Variants in CDH18 observed in about 807,000 individuals in gnomAD.
CDH18 encodes cadherin-18.
CDH18 carries 31 observed loss-of-function variants against 67.9 expected under a neutral mutation model. The observed-to-expected ratio is 0.46, with a 90% CI of 0.34 to 0.62. The LOEUF (loss-of-function observed/expected upper bound fraction) is 0.62, where lower values mean the gene tolerates loss of function less well. Ranked by LOEUF, CDH18 falls within the 20% of genes least tolerant of loss-of-function variation. CDH18 has a pLI of 0.01. For missense variants in CDH18, 890 were observed against 975.5 expected (o/e 0.91, Z 1.17); for synonymous variants, 362 against 347.2 (o/e 1.04, Z -0.48).
chr5:19,528,617 C>T lies in CDH18; in HGVS notation c.1391-7839G>A, dbSNP rs552871339. ...CTCTGAGAACAGATTTGTTGCTGTTCGGGGTTAACACCACCATTCTTGTAA... is the reference window on the plus strand; with the variant it reads ...CTCTGAGAACAGATTTGTTGCTGTTTGGGGTTAACACCACCATTCTTGTAA... On this transcript the variant is annotated intron_variant, in intron 9 of 12. Coordinates refer to ENST00000382275, the MANE Select transcript of CDH18 (RefSeq NM_004934.5). 1.9e-4 allele frequency among the ~76,000 whole-genome samples: 29 copies of T among 151,888 alleles called. No homozygotes were observed. In the South Asian group the frequency reaches 4.6e-3, roughly 24 times the overall value.
Position 19,720,734 on chromosome 5 carries a change from A to G in CDH18, c.643+613T>C, listed in dbSNP as rs1410409617. The stretch of plus-strand genomic sequence containing the variant: ...TTTGGCCAGTAAAAAATAAAAGGAG[A>G]GCAGAATTTATATTTTTTCCTGAAA... On this transcript the variant is annotated intron_variant, in intron 5 of 12. Coordinates refer to ENST00000382275, the MANE Select transcript of CDH18 (RefSeq NM_004934.5). Among the ~76,000 whole-genome samples the G allele has an allele frequency of 3.3e-5, 5 of 152,274 alleles. No homozygotes were observed. The South Asian group carries it at 6.2e-4, about 19-fold the overall frequency.
intron 2 of CDH18, among the ~76,000 whole-genome samples, chr5:19,872,335 G>A (rs1304749880): frequency 6.6e-6 from 1 of 152,122 alleles, no homozygotes; most frequent in African/African-American, 2.4e-5. Flanking sequence ...CCTGTAGCTG[G>A]TTTCTGGTCA....
In CDH18 at chr5:19,761,679, T is replaced by C. The variant is rs995325003; in HGVS notation, c.229-14443A>G. ...TGGTCATACTGCCCAAGGTAATTTA[T>C]AGATTCAATGCCATCCCCATCAAGC... On this transcript the variant is annotated intron_variant, in intron 3 of 12. Coordinates refer to ENST00000382275, the MANE Select transcript of CDH18 (RefSeq NM_004934.5). 5.9e-5 allele frequency among the ~76,000 whole-genome samples: 9 copies of C among 152,266 alleles called. No homozygotes were observed. In the South Asian group the frequency reaches 1.7e-3, roughly 28 times the overall value.
chr5:19,740,568 A>G (rs777609681), intron 4 of CDH18, among the ~76,000 whole-genome samples: 1 of 152,138 alleles, frequency 6.6e-6, no homozygotes, highest in Non-Finnish European at 1.5e-5. Flanking sequence ...AAACACCTTT[A>G]CCAGCTTTTT....
At chr5:20,012,740 C>A (rs1201639092) in intron 2 of CDH18, among the ~76,000 whole-genome samples, 1 of 151,998 alleles carries the variant, frequency 6.6e-6, no homozygotes, top group East Asian at 1.9e-4. Flanking sequence ...GGAAGGGGAT[C>A]ATGTCCTTTG....
In CDH18 at chr5:20,134,559, A is replaced by G. The variant is rs147402156; in HGVS notation, c.-518+120885T>C. On this transcript the variant is annotated intron_variant, in intron 2 of 14. Transcript: ENST00000507958. ...TTCTATTAGAGTCTGTAACACATTA[A>G]GACCAGAGTCTCCACCTGGTCCCTT... Among the ~76,000 whole-genome samples the G allele has an allele frequency of 4.2e-3, 647 of 152,272 alleles. 3 individuals are homozygous for G. Among genetic ancestry groups the G allele is most frequent in the African/African-American group, 0.015 (623 of 41,570 alleles).
At chr5:20,073,561 G>A (rs538981434) in intron 2 of CDH18, among the ~76,000 whole-genome samples, 90 of 152,066 alleles carry the variant, frequency 5.9e-4, no homozygotes, top group African/African-American at 2.0e-3. Context: ...ATAAGATTGC[G>A]ATATGTTTCA....
At position 19,499,915 on chromosome 5, in the gene CDH18, C is replaced by G. The variant is rs1049288202; in HGVS notation, c.1630+3077G>C. 3.9e-5 allele frequency among the ~76,000 whole-genome samples: 6 copies of G among 152,208 alleles called. No individual in the cohort carries two copies. The South Asian group carries it at 1.2e-3, about 32-fold the overall frequency. On this transcript the variant is annotated intron_variant, in intron 11 of 12. Transcript: ENST00000382275. ...CTGATCACTCATCCTGGTTTCGGGG[C>G]TATGTCTGATTTCTGTTGTTTCTCT...
intron 8 of CDH18, among the ~76,000 whole-genome samples, chr5:19,549,042 T>G (rs929640215): frequency 6.6e-6 from 1 of 152,144 alleles, no homozygotes; most frequent in Non-Finnish European, 1.5e-5. Context: ...CTACTGTGCC[T>G]GGCCAGCTTC....
chr5:20,108,841 T>A (rs1747214311), intron 2 of CDH18, among the ~76,000 whole-genome samples: 1 of 152,170 alleles, frequency 6.6e-6, no homozygotes, highest in Non-Finnish European at 1.5e-5. Flanking sequence ...CGAAAGCCAC[T>A]AACTAGATTA....
rs61655025 is a variant in CDH18, at chr5:20,501,893, T to TACAC, written c.-580+73565_-580+73568dup. ...GAAGTTTCCTTAAAAAATACTTCCT[T>TACAC]ACACACACACACACACACACACACA... is the stretch of plus-strand genomic sequence containing the variant. On this transcript the variant is annotated intron_variant, in intron 1 of 14. Coordinates refer to the CDH18 transcript ENST00000507958. Among the ~76,000 whole-genome samples the TACAC allele has an allele frequency of 2.0e-3, 292 of 145,124 alleles. 1 individual carries two copies. The highest frequency in any genetic ancestry group is 6.8e-3 in the African/African-American group (270 of 39,618).
At chr5:19,523,604 A>T (rs1747275707) in intron 9 of CDH18, among the ~76,000 whole-genome samples, 2 of 152,248 alleles carry the variant, frequency 1.3e-5, no homozygotes, top group South Asian at 4.1e-4. Context: ...GAAAAAAAGT[A>T]GGTTAATCAA....
At chr5:19,494,847 T>G (rs1742024611) in intron 11 of CDH18, among the ~76,000 whole-genome samples, 1 of 152,186 alleles carries the variant, frequency 6.6e-6, no homozygotes, top group Admixed American at 6.5e-5. Context: ...TAGGTCAAGT[T>G]TATTTAGCTG....
At chr5:19,991,507 AAG>A (rs1477941318), upstream of CDH18, among the ~76,000 whole-genome samples, 1 of 152,196 alleles carries the variant, frequency 6.6e-6, no homozygotes, top group African/African-American at 2.4e-5. Flanking sequence ...TATAAAGAAA[AAG>A]AGCTAGTAAA....
chr5:19,622,337 T>C (rs1342737391), intron 5 of CDH18, among the ~76,000 whole-genome samples: 1 of 152,178 alleles, frequency 6.6e-6, no homozygotes, highest in Non-Finnish European at 1.5e-5. Flanking sequence ...ATAAGGTCCA[T>C]CTTGTTTCAA....
intron 3 of CDH18, among the ~76,000 whole-genome samples, chr5:19,779,466 G>C (rs1312290958): frequency 6.6e-6 from 1 of 152,140 alleles, no homozygotes; most frequent in African/African-American, 2.4e-5. Context: ...TCATTAGAGA[G>C]CAGTGGTAAG....
At position 20,476,080 on chromosome 5, in the gene CDH18, CTCAGCTTGCTT is replaced by C. The variant is rs775824108; in HGVS notation, c.-580+99371_-580+99381del. 2.0e-3 allele frequency among the ~76,000 whole-genome samples: 304 copies of C among 152,226 alleles called. 7 individuals are homozygous for C. The highest frequency in any genetic ancestry group is 4.3e-4 in the Non-Finnish European group (29 of 67,996). ...TCTCAACTGCCATTTGGGAAAAATT[CTCAGCTTGCTT>C]TCAATCCATGCAATTTAAATAAACA... On this transcript the variant is annotated intron_variant, in intron 1 of 14. Transcript: ENST00000507958.
intron 3 of CDH18, among the ~76,000 whole-genome samples, chr5:19,832,521 T>C (rs62355796): frequency 0.084 from 12,744 of 152,052 alleles, 548 homozygotes; most frequent in African/African-American, 0.1. Flanking sequence ...TTCTCACGTT[T>C]ACAGTGATCA....
chr5:19,621,829 A>C (rs1184108584), intron 5 of CDH18, among the ~76,000 whole-genome samples: 1 of 152,204 alleles, frequency 6.6e-6, no homozygotes, highest in Admixed American at 6.5e-5. Context: ...AAGTGCCATT[A>C]CCACAATTAA....
Sources: allele counts gnomAD v4.1 joint callset (sites outside exome capture counted in the v4.1 genomes callset), GRCh38; gene constraint gnomAD v4.1.1; transcripts MANE v1.5; gene names NCBI Gene and HGNC (gene_info 2026-07-23, HGNC 2026-07-21).